UBA6: variants seen among roughly 807,000 people sequenced by gnomAD.
The protein encoded by UBA6 is ubiquitin-like modifier-activating enzyme 6.
In UBA6, 87 loss-of-function variants were observed where a neutral mutation model predicts 148.3. The observed-to-expected ratio is 0.59, with a 90% CI of 0.49 to 0.70. UBA6 has a LOEUF of 0.70. UBA6 is among the 30% of genes least tolerant of loss of function. UBA6 has a pLI of 0.00. For synonymous variants in UBA6, 376 were observed against 401.0 expected, an observed-to-expected ratio of 0.94 and a Z score of 0.75; for missense variants, 1,186 against 1,241.2, an observed-to-expected ratio of 0.96 and a Z score of 0.67.
chr4:67,637,615 T>C (rs537851631), intron 19 of UBA6, among the ~76,000 whole-genome samples: 1,916 of 34,612 alleles, frequency 0.055, 41 homozygotes, highest in African/African-American at 0.093. Context: ...CTTGGGATGC[T>C]GTTGATCTAA....
chr4:67,634,621 T>G, intron 20 of UBA6, 103 bp from the exon 21 acceptor site: 1 of 714,196 alleles, frequency 1.4e-6, no homozygotes, highest in Non-Finnish European at 2.1e-6. Flanking sequence ...AATCCAAAAA[T>G]AAATAAAATC....
chr4:67,681,500 C>T, intron 4 of UBA6, 63 bp downstream of exon 4: 1 of 1,084,920 alleles, frequency 9.2e-7, no homozygotes, highest in Non-Finnish European at 1.4e-6. Flanking sequence ...ACAATATTAC[C>T]ATAACAAATG....
At chr4:67,682,071 C>T (rs201811494) in intron 3 of UBA6, 48 bp downstream of exon 3, 8 of 1,384,646 alleles carry the variant, frequency 5.8e-6, no homozygotes, top group South Asian at 1.2e-5. Flanking sequence ...TTTAAACTAT[C>T]TTCATTGCTC....
intron 12 of UBA6, chr4:67,662,790 C>T (rs1304056578): frequency 1.1e-5 from 2 of 180,504 alleles, no homozygotes; most frequent in Non-Finnish European, 2.3e-5. Context: ...ATATAAAAAG[C>T]AAAAACCTTC....
intron 6 of UBA6, among the ~76,000 whole-genome samples, chr4:67,675,735 G>T (rs896016321): frequency 1.3e-4 from 20 of 151,492 alleles, no homozygotes; most frequent in Admixed American, 9.9e-4. Context: ...CATCAGAAAG[G>T]AAAGAGAAAG....
intron 15 of UBA6, 59 bp from the exon 16 acceptor site, chr4:67,646,075 T>G (rs1009622797): frequency 1.0e-6 from 1 of 962,520 alleles, no homozygotes; most frequent in Non-Finnish European, 1.6e-6. Flanking sequence ...TTAGTTTCAC[T>G]GTCATTAATA....
At position 67,670,442 on chromosome 4, in the gene UBA6, T is replaced by G. The variant is rs765938269; in HGVS notation, c.669+28A>C. 1.9e-6 allele frequency: 3 copies of G among 1,542,400 alleles called. No homozygotes were observed. The African/African-American group carries it at 4.1e-5, about 21-fold the overall frequency. ...TTCACATCAACTTTAACAAAATTTATTTTAAAAGTTCATTAATATAATCAT... is the reference window on the plus strand; with the variant it reads ...TTCACATCAACTTTAACAAAATTTAGTTTAAAAGTTCATTAATATAATCAT... On this transcript the variant is annotated intron_variant, in intron 8 of 32. Transcript: ENST00000322244.
At chr4:67,631,456 T>G (rs1728995519) in intron 25 of UBA6, among the ~76,000 whole-genome samples, 2 of 152,188 alleles carry the variant, frequency 1.3e-5, no homozygotes, top group Non-Finnish European at 2.9e-5. Context: ...AAAAGGTGAT[T>G]TTGGTTTCAC....
At chr4:67,700,396 C>A (rs866099962) in intron 1 of UBA6, among the ~76,000 whole-genome samples, 11 of 152,306 alleles carry the variant, frequency 7.2e-5, no homozygotes, top group Middle Eastern at 3.4e-3. Context: ...GAAAGAGGAA[C>A]TACTAACCAA....
intron 2 of UBA6, among the ~76,000 whole-genome samples, chr4:67,690,754 G>C (rs1333786653): frequency 1.3e-5 from 2 of 151,756 alleles, no homozygotes; most frequent in Non-Finnish European, 2.9e-5. Flanking sequence ...CCTCACACCT[G>C]TATGGATGAC....
intron 8 of UBA6, among the ~76,000 whole-genome samples, chr4:67,669,766 T>C (rs1343636202): frequency 1.3e-5 from 2 of 152,206 alleles, no homozygotes; most frequent in African/African-American, 2.4e-5. Context: ...ATGATTTAAG[T>C]GTGCCTTTTT....
At chr4:67,647,616 A>C (rs1729449880) in intron 14 of UBA6, among the ~76,000 whole-genome samples, 1 of 152,112 alleles carries the variant, frequency 6.6e-6, no homozygotes, top group Admixed American at 6.6e-5. Context: ...AAAAATACCA[A>C]AGATAATTAA....
At chr4:67,681,239 G>A (rs372833505) in intron 4 of UBA6, among the ~76,000 whole-genome samples, 11 of 152,120 alleles carry the variant, frequency 7.2e-5, no homozygotes, top group African/African-American at 2.4e-4. Flanking sequence ...ATCTTTTAAA[G>A]ATACTACTAA....
At chr4:67,650,144 T>G (rs1275519195) in intron 13 of UBA6, among the ~76,000 whole-genome samples, 1 of 152,152 alleles carries the variant, frequency 6.6e-6, no homozygotes, top group Admixed American at 6.5e-5. Flanking sequence ...GCAGATATTG[T>G]TGGTGGTGAT....
intron 20 of UBA6, 85 bp from the exon 21 acceptor site, chr4:67,634,603 C>T (rs1380083366): frequency 2.1e-6 from 2 of 934,274 alleles, no homozygotes; most frequent in African/African-American, 3.4e-5. Context: ...AGCTTTAAGC[C>T]TATTAAAAAT....
rs370178220 is a variant in UBA6 at position 67,696,633 on chromosome 4, T to C, written c.134+12A>G. 1.1e-5 allele frequency: 17 copies of C among 1,567,314 alleles called. 1 individual carries two copies. Among genetic ancestry groups the C allele is most frequent in the Middle Eastern group, 3.4e-4 (2 of 5,932 alleles). ...TGGGGAAAATAAGTTTCAGTTTCTA[T>C]GAGATTCTTACCTATACAATGCATC... On this transcript the variant is annotated intron_variant, in intron 2 of 32. Coordinates refer to ENST00000322244, the MANE Select transcript of UBA6 (RefSeq NM_018227.6).
chr4:67,645,830 A>T, intron 16 of UBA6, 108 bp downstream of exon 16: 1 of 482,256 alleles, frequency 2.1e-6, no homozygotes. Context: ...CAGTTATTAC[A>T]ACTACTCACC....
intron 5 of UBA6, 157 bp downstream of exon 5, chr4:67,678,282 T>TAA (rs549986021): frequency 4.2e-5 from 16 of 383,106 alleles, no homozygotes; most frequent in South Asian, 2.0e-4. Context: ...GTAAATGAGT[T>TAA]AAAAAAAAAC....
chr4:67,633,256 T>C, intron 23 of UBA6, 89 bp downstream of exon 23: 2 of 1,155,678 alleles, frequency 1.7e-6, no homozygotes, highest in Non-Finnish European at 2.3e-6. Flanking sequence ...AAAGAAAGAA[T>C]ACACATTTCA....
Sources: gnomAD v4.1 joint callset for allele counts (sites outside exome capture counted in the v4.1 genomes callset) on GRCh38, gnomAD v4.1.1 for gene constraint, MANE v1.5 for transcripts, NCBI Gene and HGNC (gene_info 2026-07-23, HGNC 2026-07-21) for gene names.